POLK: variants seen among roughly 807,000 people sequenced by gnomAD.
POLK encodes the protein DNA polymerase kappa.
POLK carries 76 observed loss-of-function variants against 94.0 expected under a neutral mutation model. The observed-to-expected ratio is 0.81, with a 90% CI of 0.67 to 0.98. The LOEUF (loss-of-function observed/expected upper bound fraction) is 0.98. Among genes scored for constraint, POLK ranks in the 50% least tolerant of loss-of-function variants. The pLI, the probability that POLK is intolerant of heterozygous loss-of-function variation, is 0.00. For missense variants in POLK, 954 were observed against 1,010.1 expected (o/e 0.94, Z 0.75); for synonymous variants, 349 against 325.4 (o/e 1.07, Z -0.78).
chr5:75,527,223 A>G (rs568479881), intron 1 of POLK, among the ~76,000 whole-genome samples: 1 of 152,196 alleles, frequency 6.6e-6, no homozygotes, highest in Non-Finnish European at 1.5e-5. Context: ...AAATCTTAAG[A>G]TGTAGTTTTG....
At chr5:75,562,404 T>C (rs1244713440) in intron 3 of POLK, among the ~76,000 whole-genome samples, 3 of 152,182 alleles carry the variant, frequency 2.0e-5, no homozygotes, top group Non-Finnish European at 2.9e-5. Context: ...TTAAGGAGTT[T>C]TTGGGCTGAG....
intron 2 of POLK, among the ~76,000 whole-genome samples, chr5:75,547,910 T>C (rs1770129819): frequency 6.6e-6 from 1 of 152,184 alleles, no homozygotes; most frequent in African/African-American, 2.4e-5. Context: ...GTATTCCACT[T>C]ATGAAAAATT....
chr5:75,522,597 A>C (rs1243305982), intron 1 of POLK, among the ~76,000 whole-genome samples: 1 of 152,186 alleles, frequency 6.6e-6, no homozygotes, highest in East Asian at 1.9e-4. Flanking sequence ...TTGAAAGCTG[A>C]AGTATGATAT....
chr5:75,543,822 T>C (rs1769873377), intron 1 of POLK, among the ~76,000 whole-genome samples: 1 of 152,018 alleles, frequency 6.6e-6, no homozygotes, highest in East Asian at 1.9e-4. Context: ...TCTTAGAGTT[T>C]TTTGTTTGTT....
intron 3 of POLK, 120 bp downstream of exon 3, chr5:75,552,711 C>A: frequency 9.9e-7 from 1 of 1,012,062 alleles, no homozygotes; most frequent in Non-Finnish European, 1.5e-6. Flanking sequence ...TATTGTAAAG[C>A]ATACATATTC....
chr5:75,520,061 C>A (rs996999204), intron 1 of POLK, among the ~76,000 whole-genome samples: 2 of 151,732 alleles, frequency 1.3e-5, no homozygotes, highest in South Asian at 4.2e-4. Flanking sequence ...CTGTGGTTAC[C>A]GTGAGGTTTA....
intron 1 of POLK, among the ~76,000 whole-genome samples, chr5:75,534,395 G>T (rs895872688): frequency 6.6e-6 from 1 of 151,792 alleles, no homozygotes; most frequent in African/African-American, 2.4e-5. Context: ...GATGATCTTT[G>T]TTCCTATCCA....
chr5:75,512,056 G>A, intron 1 of POLK, 142 bp downstream of exon 1: 1 of 391,780 alleles, frequency 2.6e-6, no homozygotes, highest in Non-Finnish European at 4.6e-6. Flanking sequence ...CTCCGGGCTT[G>A]CGGGCCCAGA....
intron 1 of POLK, among the ~76,000 whole-genome samples, chr5:75,516,215 G>A (rs897348114): frequency 3.3e-5 from 5 of 152,184 alleles, no homozygotes; most frequent in African/African-American, 1.2e-4. Flanking sequence ...CTGTGAAGAA[G>A]CTTTTTAGCT....
At chr5:75,608,859 A>G in the POLK span, 4 of 152,234 alleles carry the variant, frequency 2.6e-5, no homozygotes, top group South Asian at 4.1e-4. Flanking sequence ...CAGAGAGATG[A>G]GTAGGGCCAG....
chr5:75,601,640 T>C (rs926024017), downstream of POLK, among the ~76,000 whole-genome samples: 7 of 152,288 alleles, frequency 4.6e-5, no homozygotes, highest in African/African-American at 1.7e-4. Flanking sequence ...CTGCATGTCT[T>C]CTGCCCTTGA....
intron 3 of POLK, among the ~76,000 whole-genome samples, chr5:75,556,537 C>A (rs1770627549): frequency 6.6e-6 from 1 of 151,660 alleles, no homozygotes; most frequent in African/African-American, 2.4e-5. Context: ...TTTATCAATT[C>A]TTTCTTTCAT....
chr5:75,523,896 G>A (rs1049224614), intron 1 of POLK, among the ~76,000 whole-genome samples: 5 of 152,074 alleles, frequency 3.3e-5, no homozygotes, highest in Non-Finnish European at 5.9e-5. Context: ...TTGCGGGGCC[G>A]AGGCAGGCAG....
chr5:75,591,658 C>G (rs1581099016), intron 11 of POLK, among the ~76,000 whole-genome samples: 1 of 152,156 alleles, frequency 6.6e-6, no homozygotes, highest in Non-Finnish European at 1.5e-5. Flanking sequence ...GTCCAGGGGA[C>G]TACATTGCAT....
chr5:75,586,942 G>C (rs1232515970), intron 9 of POLK, 84 bp from the exon 10 acceptor site: 5 of 905,346 alleles, frequency 5.5e-6, no homozygotes, highest in Non-Finnish European at 6.9e-6. Context: ...AGCTCTAAAA[G>C]GTAATTGATA....
intron 1 of POLK, among the ~76,000 whole-genome samples, chr5:75,527,403 C>T (rs1215674387): frequency 6.6e-6 from 1 of 150,994 alleles, no homozygotes; most frequent in Non-Finnish European, 1.5e-5. Context: ...GCCTGTGGTC[C>T]CAGCTACTTG....
intron 1 of POLK, chr5:75,512,322 G>A (rs962724523): frequency 6.6e-6 from 1 of 152,342 alleles, no homozygotes; most frequent in African/African-American, 2.4e-5. Flanking sequence ...CGCATTTTTA[G>A]ATTTCTAGAG....
At chr5:75,589,342 A>G (rs764415113) in intron 10 of POLK, among the ~76,000 whole-genome samples, 4 of 151,548 alleles carry the variant, frequency 2.6e-5, no homozygotes, top group Non-Finnish European at 5.9e-5. Context: ...ATAAAAAATG[A>G]GAGGAAAATG....
At chr5:75,604,072 A>G (rs931399448), downstream of POLK, among the ~76,000 whole-genome samples, 1 of 152,224 alleles carries the variant, frequency 6.6e-6, no homozygotes, top group Admixed American at 6.5e-5. Flanking sequence ...AAATGAATAA[A>G]TAGTATGTGT....
Sources: allele counts gnomAD v4.1 joint callset (sites outside exome capture counted in the v4.1 genomes callset), GRCh38; gene constraint gnomAD v4.1.1; transcripts MANE v1.5; gene names NCBI Gene and HGNC (gene_info 2026-07-23, HGNC 2026-07-21).